The following FAM151B variants were observed in gnomAD, a reference collection of about 807,000 sequenced individuals.
FAM151B encodes protein FAM151B.
In FAM151B, 24 loss-of-function variants were observed where a neutral mutation model predicts 31.2. That is an observed-to-expected ratio of 0.77 (90% confidence interval 0.56 to 1.08). The LOEUF is 1.08. Ranked by LOEUF, FAM151B falls within the 50% of genes least tolerant of loss-of-function variation. FAM151B has a pLI of 0.00. For synonymous variants in FAM151B, 105 were observed against 111.4 expected (o/e 0.94, Z 0.36); for missense variants, 293 against 328.6 (o/e 0.89, Z 0.84).
At position 80,499,979 on chromosome 5, in the gene FAM151B, G is replaced by A. The variant is rs77731757; in HGVS notation, c.26-1813G>A. The A allele has an allele frequency of 8.9e-3, 1,418 of 159,420 alleles. 26 individuals are homozygous for A. The highest frequency in any genetic ancestry group is 0.033 in the African/African-American group (1,383 of 41,454). The allele number at this position is 159,420 out of a possible 1,614,324, so 9.9% of individuals were successfully genotyped here. A position where few individuals can be genotyped will look rare whatever the true frequency, so the allele number is the denominator to read the frequency against. ...TGTTCATTGCAGCATTATTTACAGTGGCCAAGGTATGGAAGCAACAAGTGT... is the reference window on the plus strand; with the variant it reads ...TGTTCATTGCAGCATTATTTACAGTAGCCAAGGTATGGAAGCAACAAGTGT... On this transcript the variant is annotated intron_variant, in intron 1 of 5. Transcript: ENST00000282226.
Position 80,501,774 on chromosome 5 carries a change from T to C in FAM151B, c.26-18T>C. 4.5e-6 allele frequency: 7 copies of C among 1,565,500 alleles called. No homozygotes were observed. The highest frequency in any genetic ancestry group is 6.1e-6 in the Non-Finnish European group (7 of 1,151,238). ...ATAAAAAACAATATCACTTTTCATG[T>C]AAACACTGTTATTTTAGGATCTTGG... On this transcript the variant is annotated intron_variant, in intron 1 of 5. Transcript: ENST00000282226.
intron 5 of FAM151B, among the ~76,000 whole-genome samples, chr5:80,533,749 C>CAAAAAAAAAA (rs71601590): frequency 4.4e-5 from 3 of 67,500 alleles, no homozygotes; most frequent in Admixed American, 2.1e-4. Context: ...GACTCCATCT[C>CAAAAAAAAAA]AAAAAAAAAA....
intron 5 of FAM151B, among the ~76,000 whole-genome samples, chr5:80,526,476 C>T (rs1239519811): frequency 6.6e-6 from 1 of 151,320 alleles, no homozygotes; most frequent in Non-Finnish European, 1.5e-5. Context: ...AAAAATTAGC[C>T]ATGCATGATG....
At position 80,519,800 on chromosome 5, in the gene FAM151B, G is replaced by A; in HGVS notation, c.425G>A (p.Ser142Asn). The A allele has an allele frequency of 1.2e-6, 2 of 1,614,138 alleles. No individual in the cohort carries two copies. The highest frequency in any genetic ancestry group is 8.5e-7 in the Non-Finnish European group (1 of 1,180,000). ...ADILPGPNGN[S>N]KVIDAKPFLD... ...ATTCTTCCTGGTCCAAATGGAAATAGCAAAGTAATAGATGCAAAACCATTT... is the reference window on the plus strand; with the variant it reads ...ATTCTTCCTGGTCCAAATGGAAATAACAAAGTAATAGATGCAAAACCATTT... The change falls in exon 4 of 6, where the codon AGC becomes AAC. Residue 142 changes from serine to asparagine, a missense_variant. By Grantham distance (46) the Ser-to-Asn change is conservative (BLOSUM62 1). Coordinates refer to ENST00000282226, the MANE Select transcript of FAM151B (RefSeq NM_205548.3).
chr5:80,503,588 C>A (rs956234492), intron 2 of FAM151B, among the ~76,000 whole-genome samples: 4 of 151,576 alleles, frequency 2.6e-5, no homozygotes, highest in African/African-American at 9.7e-5. Context: ...AGAAAGAAAG[C>A]AAAGAAAAGA....
chr5:80,533,423 A>G (rs959752335), intron 5 of FAM151B, among the ~76,000 whole-genome samples: 3 of 151,590 alleles, frequency 2.0e-5, no homozygotes, highest in African/African-American at 7.3e-5. Context: ...AGCAAGAGCA[A>G]ACCAAACCCA....
At chr5:80,507,837 G>C (rs1326616473) in intron 2 of FAM151B, among the ~76,000 whole-genome samples, 2 of 152,146 alleles carry the variant, frequency 1.3e-5, no homozygotes, top group Non-Finnish European at 2.9e-5. Context: ...TTCCCACACT[G>C]GCCTCACAGC....
chr5:80,535,934 T>C (rs980617496), intron 5 of FAM151B, among the ~76,000 whole-genome samples: 1 of 152,158 alleles, frequency 6.6e-6, no homozygotes, highest in African/African-American at 2.4e-5. Flanking sequence ...AAGATTTGAA[T>C]AGACATTTCT....
intron 5 of FAM151B, among the ~76,000 whole-genome samples, chr5:80,539,578 ACCT>A (rs915656672): frequency 2.6e-5 from 4 of 152,022 alleles, no homozygotes; most frequent in African/African-American, 9.7e-5. Context: ...TGCAACCTCC[ACCT>A]CCAAGTCTCA....
At position 80,508,994 on chromosome 5, in the gene FAM151B, GACA is replaced by G. The variant is rs559113491; in HGVS notation, c.152-4607_152-4605del. Among the ~76,000 whole-genome samples, 244 of 151,944 alleles carry G rather than the reference GACA, an allele frequency of 1.6e-3. 1 individual carries two copies. Among genetic ancestry groups the G allele is most frequent in the African/African-American group, 5.6e-3 (232 of 41,440 alleles). ...CATGTTGAAATTTTTTTTTTTAAGA[GACA>G]ACGTCTCACTCTGTCACCCAGGCCG... On this transcript the variant is annotated intron_variant, in intron 2 of 5. Transcript: ENST00000282226.
At chr5:80,537,805 CATT>C (rs1038498056) in intron 5 of FAM151B, among the ~76,000 whole-genome samples, 47 of 152,164 alleles carry the variant, frequency 3.1e-4, no homozygotes, top group African/African-American at 1.1e-3. Context: ...ATTAATAAAA[CATT>C]ATTAATGTTA....
chr5:80,501,727 G>A (rs558968426), intron 1 of FAM151B, 65 bp from the exon 2 acceptor site: 24 of 1,205,244 alleles, frequency 2.0e-5, no homozygotes, highest in African/African-American at 1.7e-4. Context: ...CACAATGAAA[G>A]TGATTTTAAA....
rs757200992 is a variant in FAM151B at position 80,541,654 on chromosome 5, C to T, written c.672-19C>T. On this transcript the variant is annotated intron_variant, in intron 5 of 5. Coordinates refer to ENST00000282226, the MANE Select transcript of FAM151B (RefSeq NM_205548.3). ...TTCTTCCACTTTTAACTGTATAATTCTGTTTTATTTCAATGCAGGTACAGC... is the reference window on the plus strand; with the variant it reads ...TTCTTCCACTTTTAACTGTATAATTTTGTTTTATTTCAATGCAGGTACAGC... The T allele has an allele frequency of 1.2e-5, 20 of 1,609,956 alleles. No homozygotes were observed. In the South Asian group the frequency reaches 1.8e-4, roughly 14 times the overall value.
chr5:80,495,507 A>G (rs1388566546), intron 1 of FAM151B, among the ~76,000 whole-genome samples: 3 of 152,170 alleles, frequency 2.0e-5, no homozygotes, highest in Non-Finnish European at 4.4e-5. Context: ...CAATACTTCA[A>G]TAGAGGATGT....
intron 5 of FAM151B, among the ~76,000 whole-genome samples, chr5:80,536,942 A>G (rs2112675774): frequency 1.3e-5 from 2 of 152,230 alleles, no homozygotes; most frequent in South Asian, 4.2e-4. Flanking sequence ...GTGAATGGCT[A>G]ATAAGTATGA....
chr5:80,496,583 A>G (rs1007625728), intron 1 of FAM151B, among the ~76,000 whole-genome samples: 2 of 152,138 alleles, frequency 1.3e-5, no homozygotes, highest in Admixed American at 6.5e-5. Context: ...TATAAAATGT[A>G]TGATACCAAG....
intron 2 of FAM151B, chr5:80,510,894 C>A (rs1561366794): frequency 6.6e-6 from 1 of 152,190 alleles, no homozygotes; most frequent in Non-Finnish European, 1.5e-5. Context: ...AAATTACTGA[C>A]TGGTTTGAAG....
chr5:80,526,685 A>G (rs1439241966), intron 5 of FAM151B, among the ~76,000 whole-genome samples: 1 of 152,160 alleles, frequency 6.6e-6, no homozygotes, highest in Non-Finnish European at 1.5e-5. Context: ...TTCTCTTCAA[A>G]TAATGTTAAT....
chr5:80,505,507 G>C (rs1743919233), intron 2 of FAM151B, among the ~76,000 whole-genome samples: 1 of 151,174 alleles, frequency 6.6e-6, no homozygotes, highest in Admixed American at 6.6e-5. Flanking sequence ...CCATTCTCCT[G>C]CCTCAGCCTC....
Sources: gnomAD v4.1 joint callset for allele counts (sites outside exome capture counted in the v4.1 genomes callset) on GRCh38, gnomAD v4.1.1 for gene constraint, MANE v1.5 for transcripts, NCBI Gene and HGNC (gene_info 2026-07-23, HGNC 2026-07-21) for gene names.